Variants in ESRRG observed in about 807,000 individuals in gnomAD.
ESRRG encodes the protein estrogen related receptor gamma.
ESRRG carries 13 observed loss-of-function variants against 44.0 expected under a neutral mutation model. The observed-to-expected ratio is 0.30, with a 90% confidence interval of 0.19 to 0.47. The LOEUF (loss-of-function observed/expected upper bound fraction) is 0.47, where lower values mean the gene tolerates loss of function less well. Ranked by LOEUF, ESRRG falls within the 20% of genes least tolerant of loss-of-function variation. ESRRG has a pLI of 1.00. For synonymous variants in ESRRG, 215 were observed against 214.6 expected (o/e 1.00, Z -0.02); for missense variants, 395 against 580.6 (o/e 0.68, Z 3.29).
intron 2 of ESRRG, among the ~76,000 whole-genome samples, chr1:216,828,507 A>T (rs959969728): frequency 1.3e-5 from 2 of 152,174 alleles, no homozygotes; most frequent in Admixed American, 6.5e-5. Flanking sequence ...AACAATAGTA[A>T]GAGTTTTATA....
chr1:217,032,052 A>G (rs931976758), intron 1 of ESRRG, among the ~76,000 whole-genome samples: 2 of 152,212 alleles, frequency 1.3e-5, no homozygotes, highest in Non-Finnish European at 2.9e-5. Context: ...AAGGTGCTAA[A>G]TTCAGGACTG....
chr1:217,090,614 G>A (rs990429503), upstream of ESRRG: 2 of 152,168 alleles, frequency 1.3e-5, no homozygotes, highest in Non-Finnish European at 2.9e-5. Context: ...TAAAAATGGG[G>A]AGGGGTCAGG....
At chr1:216,573,500 TC>T (rs1261049363) in intron 3 of ESRRG, among the ~76,000 whole-genome samples, 3 of 152,020 alleles carry the variant, frequency 2.0e-5, no homozygotes, top group Non-Finnish European at 2.9e-5. Context: ...TCTTAAAATG[TC>T]AAGATCATTT....
At position 216,723,259 on chromosome 1, in the gene ESRRG, A is replaced by G. The variant is rs1282220595; in HGVS notation, c.41T>C (p.Leu14Pro). ...AGGTACCTACTCTTCCTCGTAGTGC[A>G]GGGAAAAAGATTCAGGAAGGCAAAG... ...VELCLPESFS[L>P]HYEEELLCRM... Residue 14 changes from leucine (L) to proline (P), a missense_variant, in exon 1 of 7, where the codon CTG becomes CCG. By Grantham distance (98) the Leu-to-Pro change is moderately conservative. Transcript: ENST00000408911. The G allele has an allele frequency of 1.2e-6, 2 of 1,613,422 alleles. No homozygotes were observed. The highest frequency in any genetic ancestry group is 1.7e-5 in the Admixed American group (1 of 59,946).
chr1:217,065,524 G>A (rs975707383), intron 1 of ESRRG, among the ~76,000 whole-genome samples: 1 of 152,138 alleles, frequency 6.6e-6, no homozygotes, highest in Non-Finnish European at 1.5e-5. Flanking sequence ...TAAAAGGAGA[G>A]CCTCATCTCT....
At chr1:217,102,516 C>T (rs1890550) in intron 1 of ESRRG, among the ~76,000 whole-genome samples, 37,744 of 152,068 alleles carry the variant, frequency 0.25, 5,077 homozygotes, top group Non-Finnish European at 0.29. Flanking sequence ...GTCTCCATTG[C>T]GTACTGCCTG....
chr1:217,058,342 C>G (rs1164291910), intron 1 of ESRRG, among the ~76,000 whole-genome samples: 1 of 152,082 alleles, frequency 6.6e-6, no homozygotes, highest in Non-Finnish European at 1.5e-5. Context: ...AGGACTCAAA[C>G]AAATTGTTAT....
At chr1:216,813,685 G>A (rs1212184993) in intron 2 of ESRRG, among the ~76,000 whole-genome samples, 1 of 152,070 alleles carries the variant, frequency 6.6e-6, no homozygotes, top group Admixed American at 6.6e-5. Flanking sequence ...CCTTTTTCAG[G>A]GATGTCATAG....
At chr1:216,814,069 T>C (rs1045964758) in intron 2 of ESRRG, among the ~76,000 whole-genome samples, 2 of 151,978 alleles carry the variant, frequency 1.3e-5, no homozygotes, top group African/African-American at 4.8e-5. Context: ...TTTGCATTAC[T>C]GCTGAAAGTA....
intron 5 of ESRRG, among the ~76,000 whole-genome samples, chr1:216,542,406 A>G (rs144519386): frequency 6.6e-6 from 1 of 152,072 alleles, no homozygotes; most frequent in East Asian, 1.9e-4. Flanking sequence ...TATAAATGAA[A>G]CATCAACATG....
chr1:217,135,550 T>G (rs1340870598), intron 1 of ESRRG, among the ~76,000 whole-genome samples: 2 of 150,876 alleles, frequency 1.3e-5, no homozygotes, highest in African/African-American at 2.4e-5. Flanking sequence ...GCGGCGGTGT[T>G]GGCGGCGGCG....
chr1:216,844,614 C>G (rs2095710394), intron 2 of ESRRG, among the ~76,000 whole-genome samples: 1 of 152,152 alleles, frequency 6.6e-6, no homozygotes, highest in Admixed American at 6.5e-5. Context: ...TACTCTGAGA[C>G]TTCACCCTCA....
intron 2 of ESRRG, among the ~76,000 whole-genome samples, chr1:216,736,879 A>G (rs2090010840): frequency 1.3e-5 from 2 of 152,284 alleles, no homozygotes; most frequent in South Asian, 2.1e-4. Context: ...TAGGATCTCT[A>G]TAGACCTGTT....
intron 2 of ESRRG, among the ~76,000 whole-genome samples, chr1:216,892,236 T>C (rs1421095720): frequency 1.3e-5 from 2 of 152,200 alleles, no homozygotes; most frequent in African/African-American, 4.8e-5. Context: ...AATTAGAACA[T>C]AATGTTAAAC....
In ESRRG at chr1:217,104,713, G is replaced by A. The variant is rs144346754; in HGVS notation, c.-230+32954C>T. Among the ~76,000 whole-genome samples the A allele has an allele frequency of 4.4e-3, 665 of 152,188 alleles. 2 individuals carry two copies. Among genetic ancestry groups the A allele is most frequent in the African/African-American group, 0.015 (634 of 41,518 alleles). On this transcript the variant is annotated intron_variant, in intron 1 of 8. Coordinates refer to the ESRRG transcript ENST00000366940. ...GAGAATCAAGCATTTGGTGGCACAG[G>A]GCATTGGGCTTTAAGTAAAAAGAGG...
intron 1 of ESRRG, among the ~76,000 whole-genome samples, chr1:217,046,176 A>C (rs903814482): frequency 2.6e-5 from 4 of 151,960 alleles, no homozygotes; most frequent in Non-Finnish European, 2.9e-5. Flanking sequence ...AAAAAAAAAA[A>C]CCTAAAATTA....
rs79042190 is a variant in ESRRG, at chr1:216,509,858, T to C, written c.1133-2675A>G. Among the ~76,000 whole-genome samples, 791 of 152,324 alleles carry C rather than the reference T, an allele frequency of 5.2e-3. 7 individuals carry two copies. Among genetic ancestry groups the C allele is most frequent in the African/African-American group, 0.018 (754 of 41,560 alleles). ...GGCAGACTGCTGAAGAAAATATTAATCTCCATTAGGGATCCTAGTTCAAGT... is the reference window on the plus strand; with the variant it reads ...GGCAGACTGCTGAAGAAAATATTAACCTCCATTAGGGATCCTAGTTCAAGT... On this transcript the variant is annotated intron_variant, in intron 6 of 6. Transcript: ENST00000408911.
intron 3 of ESRRG, among the ~76,000 whole-genome samples, chr1:216,585,253 G>A (rs1367844670): frequency 6.6e-6 from 1 of 152,136 alleles, no homozygotes; most frequent in Admixed American, 6.6e-5. Context: ...AAAGAATATG[G>A]CAGAGCTCTA....
At chr1:217,079,633 C>T (rs534565123) in intron 1 of ESRRG, among the ~76,000 whole-genome samples, 14 of 152,278 alleles carry the variant, frequency 9.2e-5, no homozygotes, top group South Asian at 6.2e-4. Flanking sequence ...TAAAAATCTC[C>T]GAACTTCTGT....
Sources: allele counts gnomAD v4.1 joint callset (sites outside exome capture counted in the v4.1 genomes callset), GRCh38; gene constraint gnomAD v4.1.1; transcripts MANE v1.5; gene names NCBI Gene and HGNC (gene_info 2026-07-23, HGNC 2026-07-21).